The following DLG2 variants were observed in gnomAD, a reference collection of about 807,000 sequenced individuals.
DLG2 encodes discs large MAGUK scaffold protein 2.
DLG2 carries 45 observed loss-of-function variants against 132.5 expected under a neutral mutation model. The observed-to-expected ratio is 0.34, with a 90% CI of 0.27 to 0.44. DLG2 has a LOEUF of 0.44. DLG2 is among the 20% of genes least tolerant of loss of function. The probability of loss-of-function intolerance (pLI) is 1.00; values close to 1 mark genes in which losing one functional copy is unlikely to be tolerated. For synonymous variants in DLG2, 424 were observed against 419.6 expected (o/e 1.01, Z -0.13); for missense variants, 1,045 against 1,196.9 (o/e 0.87, Z 1.87).
intron 6 of DLG2, among the ~76,000 whole-genome samples, chr11:84,541,311 T>C (rs1214524727): frequency 1.3e-5 from 2 of 152,016 alleles, no homozygotes; most frequent in Non-Finnish European, 2.9e-5. Context: ...GTATACTACT[T>C]ATGTCTCCCT....
rs532390053 is a variant in DLG2, at chr11:85,127,788, C to A, written c.283-16053G>T. On this transcript the variant is annotated intron_variant, in intron 5 of 27. Coordinates refer to ENST00000376104, the MANE Select transcript of DLG2 (RefSeq NM_001142699.3). The stretch of plus-strand genomic sequence containing the variant: ...TGAAGCTCTGGTGGAAAATAAAAAT[C>A]ATTTTAGCTTTTCCAAATACCTTAT... Among the ~76,000 whole-genome samples the A allele has an allele frequency of 4.6e-5, 7 of 152,224 alleles. No homozygotes were observed. In the East Asian group the frequency reaches 1.2e-3, roughly 25 times the overall value.
At chr11:84,040,386 T>C (rs1369659720) in intron 11 of DLG2, among the ~76,000 whole-genome samples, 2 of 151,890 alleles carry the variant, frequency 1.3e-5, no homozygotes, top group East Asian at 1.9e-4. Context: ...CCATCTTGAA[T>C]TGATTTTTGT....
chr11:84,649,572 G>C (rs1429926076), intron 6 of DLG2, among the ~76,000 whole-genome samples: 4 of 152,160 alleles, frequency 2.6e-5, no homozygotes, highest in Non-Finnish European at 5.9e-5. Context: ...TGATTTGTGT[G>C]TTTTGTAACA....
At chr11:85,043,999 T>C (rs1285503506) in intron 6 of DLG2, among the ~76,000 whole-genome samples, 1 of 151,972 alleles carries the variant, frequency 6.6e-6, no homozygotes, top group Non-Finnish European at 1.5e-5. Flanking sequence ...ACACTGGCCA[T>C]ATTCCAGGCA....
At chr11:84,517,361 A>G (rs2099276919) in intron 7 of DLG2, among the ~76,000 whole-genome samples, 1 of 151,966 alleles carries the variant, frequency 6.6e-6, no homozygotes, top group African/African-American at 2.4e-5. Context: ...TTCTGAAGAG[A>G]AGACATACAA....
intron 18 of DLG2, among the ~76,000 whole-genome samples, chr11:83,642,007 C>G (rs990629847): frequency 6.6e-6 from 1 of 151,988 alleles, no homozygotes; most frequent in Non-Finnish European, 1.5e-5. Context: ...TCCAACTTAA[C>G]CAGAAATTCT....
chr11:84,674,883 A>G (rs75566791), intron 6 of DLG2, among the ~76,000 whole-genome samples: 27,175 of 152,108 alleles, frequency 0.18, 2,716 homozygotes, highest in African/African-American at 0.24. Context: ...TTCAGCCTCC[A>G]TCTCACCAAG....
intron 15 of DLG2, among the ~76,000 whole-genome samples, chr11:83,891,220 G>A (rs1328290908): frequency 6.6e-6 from 1 of 151,942 alleles, no homozygotes. Flanking sequence ...CTTAGTGATA[G>A]GAAACATTAT....
chr11:85,096,118 C>T (rs538617317), intron 6 of DLG2, among the ~76,000 whole-genome samples: 1 of 151,988 alleles, frequency 6.6e-6, no homozygotes, highest in African/African-American at 2.4e-5. Flanking sequence ...GGACAATCAG[C>T]ACTCTGTAAA....
intron 7 of DLG2, among the ~76,000 whole-genome samples, chr11:84,356,856 G>A (rs2098615802): frequency 6.6e-6 from 1 of 152,014 alleles, no homozygotes. Context: ...TTCAGCAAGT[G>A]ACATAAATGA....
At chr11:85,616,963 T>G (rs535955640) in intron 2 of DLG2, among the ~76,000 whole-genome samples, 1 of 152,316 alleles carries the variant, frequency 6.6e-6, no homozygotes, top group African/African-American at 2.4e-5. Context: ...AGCTGTTTTA[T>G]ATAGATGATC....
chr11:83,979,992 G>GA (rs1263580207), intron 12 of DLG2, among the ~76,000 whole-genome samples: 8 of 152,138 alleles, frequency 5.3e-5, no homozygotes, highest in African/African-American at 1.9e-4. Context: ...CATTGTACAT[G>GA]TACTTTTGAA....
At chr11:83,760,547 G>T (rs2093858293) in intron 18 of DLG2, among the ~76,000 whole-genome samples, 2 of 151,670 alleles carry the variant, frequency 1.3e-5, no homozygotes, top group African/African-American at 4.8e-5. Context: ...GTAGAGATAG[G>T]GTTTCACCAT....
At chr11:84,974,922 A>C (rs1418115959) in intron 6 of DLG2, among the ~76,000 whole-genome samples, 1 of 152,248 alleles carries the variant, frequency 6.6e-6, no homozygotes, top group Non-Finnish European at 1.5e-5. Context: ...TGATAAATAA[A>C]ATGATTTAAT....
intron 16 of DLG2, among the ~76,000 whole-genome samples, chr11:83,845,324 G>A (rs1427516861): frequency 3.3e-5 from 5 of 152,206 alleles, no homozygotes; most frequent in Admixed American, 6.5e-5. Flanking sequence ...CATACCAAAG[G>A]TGGTCACATG....
chr11:85,154,683 T>C (rs1220109887), intron 4 of DLG2, 32 bp from the exon 5 acceptor site: 1 of 1,060,858 alleles, frequency 9.4e-7, no homozygotes, highest in Non-Finnish European at 1.4e-6. Context: ...TCAATACTCC[T>C]TTTTTATTTT....
intron 6 of DLG2, among the ~76,000 whole-genome samples, chr11:84,650,879 A>ACATACATATATATATACATATATAC (rs529292020): frequency 2.2e-4 from 19 of 85,282 alleles, no homozygotes; most frequent in Non-Finnish European, 2.8e-4. Flanking sequence ...GTGTGTATAT[A>ACATACATATATATATACATATATAC]TATATATATA....
At chr11:84,193,003 A>G (rs1329737894) in intron 8 of DLG2, among the ~76,000 whole-genome samples, 1 of 152,156 alleles carries the variant, frequency 6.6e-6, no homozygotes, top group Non-Finnish European at 1.5e-5. Context: ...AAATTAGTGA[A>G]TTTTATATTC....
intron 18 of DLG2, chr11:83,645,654 C>G (rs1262052845): frequency 6.6e-6 from 1 of 152,100 alleles, no homozygotes; most frequent in East Asian, 1.9e-4. Flanking sequence ...AGCAAGCTGC[C>G]TATGGAGGTG....
Sources: gnomAD v4.1 joint callset for allele counts (sites outside exome capture counted in the v4.1 genomes callset) on GRCh38, gnomAD v4.1.1 for gene constraint, MANE v1.5 for transcripts, NCBI Gene and HGNC (gene_info 2026-07-23, HGNC 2026-07-21) for gene names.